The following SYNE1 variants were observed in gnomAD, a reference collection of about 807,000 sequenced individuals.
SYNE1 encodes spectrin repeat containing nuclear envelope protein 1.
Under a neutral mutation model 1,111.0 loss-of-function variants are expected in SYNE1, and 616 were observed. The observed-to-expected ratio is 0.55, with a 90% CI of 0.52 to 0.59. The LOEUF (loss-of-function observed/expected upper bound fraction) is 0.59, where lower values mean the gene tolerates loss of function less well. Ranked by LOEUF, SYNE1 falls within the 20% of genes least tolerant of loss-of-function variation. The pLI, the probability that SYNE1 is intolerant of heterozygous loss-of-function variation, is 0.00. For synonymous variants in SYNE1, 3,855 were observed against 3,825.8 expected (o/e 1.01, Z -0.28); for missense variants, 10,006 against 10,417.0 (o/e 0.96, Z 1.72).
At chr6:152,456,606 T>C (rs1218366154) in intron 22 of SYNE1, 1 of 344,560 alleles carries the variant, frequency 2.9e-6, no homozygotes, top group Non-Finnish European at 5.7e-6. Flanking sequence ...AGCAGACCGA[T>C]GCACTTGGGG....
intron 2 of SYNE1, among the ~76,000 whole-genome samples, chr6:152,629,554 G>A (rs1419045799): frequency 1.4e-5 from 2 of 142,972 alleles, no homozygotes; most frequent in Non-Finnish European, 3.1e-5. Context: ...AGGGGAGGAG[G>A]GGGTGCAGTG....
chr6:152,488,300 A>G, intron 12 of SYNE1, 96 bp downstream of exon 12: 1 of 667,620 alleles, frequency 1.5e-6, no homozygotes, highest in Non-Finnish European at 2.6e-6. Flanking sequence ...TTTCTCATTA[A>G]TGTAATTTGA....
In SYNE1 at chr6:152,309,902, G is replaced by A. The variant is rs1384212715; in HGVS notation, c.17135C>T (p.Ala5712Val). ...GCTGGCCTCTTCCTGCAGCCGCAGA[G>A]CAGCATGACAGAGAGGTAAGCTGGC... is the stretch of plus-strand genomic sequence containing the variant. ...VVASLPLCHA[A>V]LRLQEEASRL... Residue 5712 changes from alanine to valine, a missense_variant, in exon 90 of 146, where the codon GCT becomes GTT. Ala to Val is a moderately conservative substitution (Grantham distance 64). Around this residue, in one of 7 missense-constraint regions of SYNE1, gnomAD observed 4,955 missense variants for 5,017.2 expected, o/e 0.99. Transcript: ENST00000367255. The A allele has an allele frequency of 1.9e-6, 3 of 1,614,016 alleles. No individual in the cohort carries two copies. Among genetic ancestry groups the A allele is most frequent in the Admixed American group, 3.3e-5 (2 of 60,008 alleles).
chr6:152,403,344 A>G (rs1299704668), intron 46 of SYNE1, among the ~76,000 whole-genome samples: 1 of 152,152 alleles, frequency 6.6e-6, no homozygotes, highest in East Asian at 1.9e-4. Context: ...CCGTGAAGGG[A>G]GGTTTATAGT....
At chr6:152,605,023 AGAGAGAGAGAGAGGGAGGGAGG>A (rs1176396803) in intron 3 of SYNE1, among the ~76,000 whole-genome samples, 18 of 69,954 alleles carry the variant, frequency 2.6e-4, no homozygotes, top group Admixed American at 6.0e-4. Flanking sequence ...AGAGAGAGAG[AGAGAGAGAGAGAGGGAGGGAGG>A]GAGGGAGGGA....
intron 4 of SYNE1, among the ~76,000 whole-genome samples, chr6:152,535,727 A>T (rs1018622644): frequency 6.6e-6 from 1 of 152,214 alleles, no homozygotes; most frequent in African/African-American, 2.4e-5. Context: ...TTGCTTATAC[A>T]TGCCTAATTT....
At chr6:152,319,363 C>T (rs770924834) in intron 84 of SYNE1, among the ~76,000 whole-genome samples, 1 of 152,214 alleles carries the variant, frequency 6.6e-6, no homozygotes, top group Non-Finnish European at 1.5e-5. Flanking sequence ...AGCACACAAA[C>T]TCCTCTAAGC....
rs1247321590 is a variant in SYNE1, at chr6:152,367,265, G to T, written c.9925C>A (p.Pro3309Thr). 4.3e-6 allele frequency: 7 copies of T among 1,614,170 alleles called. No individual in the cohort carries two copies. The highest frequency in any genetic ancestry group is 5.9e-6 in the Non-Finnish European group (7 of 1,180,022). ...AIHMLDSYCH[P>T]TSDKSVLDSR... Reference sequence around the variant, plus strand: ...TCCAGCACACTTTTGTCGGATGTCGGGTGGCAGTATGAATCCAGCATGTGA... The same window carrying T: ...TCCAGCACACTTTTGTCGGATGTCGTGTGGCAGTATGAATCCAGCATGTGA... The change falls in exon 62 of 146, where the codon CCG becomes ACG. Residue 3309 changes from proline to threonine, a missense_variant. By Grantham distance (38) the Pro-to-Thr change is conservative (BLOSUM62 -1). Transcript: ENST00000367255.
intron 2 of SYNE1, among the ~76,000 whole-genome samples, chr6:152,630,161 A>G (rs2099695550): frequency 6.6e-6 from 1 of 152,136 alleles, no homozygotes; most frequent in Non-Finnish European, 1.5e-5. Flanking sequence ...ACCTTTGCAC[A>G]TTGCTGCTGC....
Position 152,277,991 on chromosome 6 carries a change from C to T in SYNE1, c.18573+98G>A, listed in dbSNP as rs558642986. On this transcript the variant is annotated intron_variant, in intron 98 of 145. Transcript: ENST00000367255. ...TAAAGCAGGTACACACACAAGTACG[C>T]GTCACCGCCAACCTGTTCCTTTACC... 1.6e-3 allele frequency: 2,080 copies of T among 1,302,058 alleles called. 15 individuals carry two copies. The Middle Eastern group carries it at 0.029, about 18-fold the overall frequency. The allele number at this position is 1,302,058 out of a possible 1,614,324, so 80.7% of individuals were successfully genotyped here. A position where few individuals can be genotyped will look rare whatever the true frequency, so the allele number is the denominator to read the frequency against.
At chr6:152,202,039 A>G (rs2153368712) in intron 126 of SYNE1, 90 bp from the exon 127 acceptor site, 2 of 1,508,508 alleles carry the variant, frequency 1.3e-6, no homozygotes, top group East Asian at 4.6e-5. Flanking sequence ...CTTCATTCCC[A>G]GAGAAAGAAT....
intron 51 of SYNE1, among the ~76,000 whole-genome samples, chr6:152,393,156 C>T (rs4506057): frequency 1.7e-4 from 26 of 152,116 alleles, no homozygotes; most frequent in African/African-American, 4.8e-4. Context: ...CTTATCAATG[C>T]GAAAAAGTCG....
intron 5 of SYNE1, among the ~76,000 whole-genome samples, chr6:152,523,947 A>G (rs1168838361): frequency 1.3e-5 from 2 of 152,052 alleles, no homozygotes; most frequent in African/African-American, 4.8e-5. Context: ...TAAGAATTTT[A>G]GAGGAGTCTT....
intron 131 of SYNE1, among the ~76,000 whole-genome samples, chr6:152,157,567 T>C (rs1202919488): frequency 3.3e-5 from 5 of 152,130 alleles, no homozygotes; most frequent in South Asian, 2.1e-4. Context: ...AGAGAGAAAT[T>C]GAAACATTCC....
chr6:152,490,739 G>A lies in SYNE1; in HGVS notation c.940-2236C>T, dbSNP rs116425903. On this transcript the variant is annotated intron_variant, in intron 11 of 145. Transcript: ENST00000367255. ...TGTTGGGCTCTTCACACGGACACACGTGACATTTGGTGCTGAAGATCTGGG... is the reference window on the plus strand; with the variant it reads ...TGTTGGGCTCTTCACACGGACACACATGACATTTGGTGCTGAAGATCTGGG... Among the ~76,000 whole-genome samples the A allele has an allele frequency of 5.3e-3, 812 of 152,248 alleles. 8 individuals are homozygous for A. The highest frequency in any genetic ancestry group is 0.018 in the African/African-American group (755 of 41,540).
intron 119 of SYNE1, 86 bp downstream of exon 119, chr6:152,220,756 C>CATA: frequency 8.1e-7 from 1 of 1,230,012 alleles, no homozygotes; most frequent in South Asian, 1.2e-5. Flanking sequence ...CATAGAAAGA[C>CATA]ATACCAAAGC....
chr6:152,492,786 G>A (rs890791217), intron 11 of SYNE1, among the ~76,000 whole-genome samples: 14 of 151,980 alleles, frequency 9.2e-5, no homozygotes, highest in Admixed American at 4.6e-4. Flanking sequence ...TAATCAATAC[G>A]GAGGCTACCC....
At chr6:152,187,139 T>C (rs2070385437) in intron 128 of SYNE1, among the ~76,000 whole-genome samples, 1 of 152,184 alleles carries the variant, frequency 6.6e-6, no homozygotes, top group Non-Finnish European at 1.5e-5. Flanking sequence ...TGAACTCAAA[T>C]CATTAACATG....
intron 2 of SYNE1, among the ~76,000 whole-genome samples, chr6:152,631,023 A>G (rs1187547947): frequency 6.6e-6 from 1 of 152,194 alleles, no homozygotes; most frequent in East Asian, 1.9e-4. Context: ...TGGGATTACT[A>G]AGGTGGATAT....
Sources: allele counts gnomAD v4.1 joint callset (sites outside exome capture counted in the v4.1 genomes callset), GRCh38; gene constraint gnomAD v4.1.1; regional missense constraint gnomAD v4.1.1; transcripts MANE v1.5; gene names NCBI Gene and HGNC (gene_info 2026-07-23, HGNC 2026-07-21).